FAM168A: variants seen among roughly 807,000 people sequenced by gnomAD.
FAM168A encodes protein FAM168A.
In FAM168A, 3 loss-of-function variants were observed where a neutral mutation model predicts 28.5. The observed-to-expected ratio is 0.11, with a 90% CI of 0.05 to 0.27. The LOEUF (loss-of-function observed/expected upper bound fraction) is 0.27, where lower values mean the gene tolerates loss of function less well. Ranked by LOEUF, FAM168A falls within the 10% of genes least tolerant of loss-of-function variation. The pLI is 1.00. For missense variants in FAM168A, 222 were observed against 311.5 expected, an observed-to-expected ratio of 0.71 and a Z score of 2.16; for synonymous variants, 122 against 124.2, an observed-to-expected ratio of 0.98 and a Z score of 0.12.
chr11:73,597,603 T>C (rs1944451739), intron 1 of FAM168A, among the ~76,000 whole-genome samples: 1 of 148,798 alleles, frequency 6.7e-6, no homozygotes, highest in Non-Finnish European at 1.5e-5. Context: ...CACCCTAGTC[T>C]CATCTTCCAC....
At chr11:73,450,976 T>C (rs1867417541) in intron 2 of FAM168A, among the ~76,000 whole-genome samples, 1 of 152,214 alleles carries the variant, frequency 6.6e-6, no homozygotes, top group African/African-American at 2.4e-5. Context: ...AACATACCTG[T>C]GCTTATTACC....
chr11:73,458,756 G>A (rs1206691671), intron 2 of FAM168A, among the ~76,000 whole-genome samples: 1 of 151,992 alleles, frequency 6.6e-6, no homozygotes, highest in African/African-American at 2.4e-5. Flanking sequence ...GATTACAGGT[G>A]CCTGCTACCA....
intron 1 of FAM168A, among the ~76,000 whole-genome samples, chr11:73,535,893 G>C (rs902521968): frequency 6.0e-5 from 9 of 150,664 alleles, no homozygotes; most frequent in African/African-American, 2.2e-4. Flanking sequence ...TTTTGAGACA[G>C]GGTTTCACTC....
Position 73,508,239 on chromosome 11 carries a change from G to C in FAM168A, c.-18-39747C>G, listed in dbSNP as rs543089568. ...AATATTTTAAATAAGTGGGGGAAAG[G>C]CTCTGAAGTTTAAAGTGCTATGAAA... On this transcript the variant is annotated intron_variant, in intron 1 of 7. Transcript: ENST00000356467. 1.2e-4 allele frequency among the ~76,000 whole-genome samples: 18 copies of C among 152,126 alleles called. No individual in the cohort carries two copies. In the South Asian group the frequency reaches 3.5e-3, roughly 30 times the overall value.
At chr11:73,548,697 G>C (rs948844310) in intron 1 of FAM168A, among the ~76,000 whole-genome samples, 2 of 152,138 alleles carry the variant, frequency 1.3e-5, no homozygotes, top group African/African-American at 4.8e-5. Context: ...CTGGAGTGTA[G>C]TGGTGCAATC....
intron 1 of FAM168A, among the ~76,000 whole-genome samples, chr11:73,540,255 T>C (rs765585769): frequency 3.3e-5 from 5 of 152,208 alleles, no homozygotes; most frequent in South Asian, 4.1e-4. Flanking sequence ...CCTATTATAC[T>C]GTCAACAATA....
intron 1 of FAM168A, among the ~76,000 whole-genome samples, chr11:73,557,802 C>T (rs1391323273): frequency 1.3e-5 from 2 of 152,152 alleles, no homozygotes; most frequent in Non-Finnish European, 2.9e-5. Context: ...CAGCATGGTA[C>T]TCGCATAAGG....
intron 1 of FAM168A, among the ~76,000 whole-genome samples, chr11:73,529,559 T>C (rs78552658): frequency 2.0e-5 from 3 of 152,312 alleles, no homozygotes; most frequent in East Asian, 3.9e-4. Flanking sequence ...ATATCAACAA[T>C]AGAATGTTCT....
chr11:73,412,207 T>G (rs115811285), intron 4 of FAM168A: 1 of 148,248 alleles, frequency 6.7e-6, no homozygotes, highest in African/African-American at 2.6e-5. Flanking sequence ...CATTCAGAGA[T>G]CGTCATCTTC....
At position 73,402,167 on chromosome 11, in the gene FAM168A, T is replaced by C. The variant is rs1866424633; in HGVS notation, c.*4596A>G. ...CACAGCCAGTAGTGATGTGGGAGAA[T>C]ACAGGATGGAAAAGCAGACTTCCAC... On this transcript the variant is annotated 3_prime_UTR_variant, in exon 8 of 8. Coordinates refer to ENST00000356467, the MANE Select transcript of FAM168A (RefSeq NM_015159.3). 1 of 152,180 alleles carries C rather than the reference T, an allele frequency of 6.6e-6. No individual in the cohort carries two copies. Among genetic ancestry groups the C allele is most frequent in the Non-Finnish European group, 1.5e-5 (1 of 68,052 alleles). 9.4% of individuals were successfully genotyped at this position (152,180 alleles called of 1,614,324 possible).
chr11:73,496,599 C>A (rs1037215657), intron 1 of FAM168A, among the ~76,000 whole-genome samples: 8 of 152,174 alleles, frequency 5.3e-5, no homozygotes, highest in Non-Finnish European at 7.3e-5. Context: ...CTCACTCTGT[C>A]GCCCAGGCTG....
intron 1 of FAM168A, among the ~76,000 whole-genome samples, chr11:73,519,710 TGA>T (rs987228578): frequency 1.3e-4 from 19 of 151,776 alleles, no homozygotes; most frequent in African/African-American, 4.6e-4. Flanking sequence ...TCAGAGGAGC[TGA>T]GAGATGATGA....
Position 73,567,039 on chromosome 11 carries a change from T to G in FAM168A, c.-19+30884A>C, listed in dbSNP as rs1440904251. On this transcript the variant is annotated intron_variant, in intron 1 of 7. Transcript: ENST00000356467. The stretch of plus-strand genomic sequence containing the variant: ...GTTAAGTCCCAAGGATTGCAAGTGG[T>G]TTGGCAGGGTTGGGCTGAGAAGAAG... Among the ~76,000 whole-genome samples the G allele has an allele frequency of 5.3e-5, 8 of 152,218 alleles. No homozygotes were observed. In the South Asian group the frequency reaches 1.0e-3, roughly 20 times the overall value.
chr11:73,453,168 C>T (rs1867463463), intron 2 of FAM168A, among the ~76,000 whole-genome samples: 1 of 152,228 alleles, frequency 6.6e-6, no homozygotes, highest in African/African-American at 2.4e-5. Flanking sequence ...AGAAAAGTTT[C>T]CAAAACACGG....
chr11:73,424,863 AC>A (rs1468306586), intron 3 of FAM168A, among the ~76,000 whole-genome samples: 7 of 152,166 alleles, frequency 4.6e-5, no homozygotes, highest in Admixed American at 1.3e-4. Flanking sequence ...GCACCATCAG[AC>A]ACGTTCCTGC....
chr11:73,543,262 C>CTTTTTTTT (rs58715872), intron 1 of FAM168A, among the ~76,000 whole-genome samples: 3 of 111,886 alleles, frequency 2.7e-5, no homozygotes, highest in Admixed American at 9.8e-5. Flanking sequence ...ATTAATTGTT[C>CTTTTTTTT]TTTTTTTTTT....
intron 2 of FAM168A, among the ~76,000 whole-genome samples, chr11:73,437,929 A>T (rs1867120993): frequency 6.6e-6 from 1 of 152,174 alleles, no homozygotes; most frequent in African/African-American, 2.4e-5. Context: ...ACCTGTGATC[A>T]GACTTCAATT....
In FAM168A at chr11:73,402,284, C is replaced by A. The variant is rs938589625; in HGVS notation, c.*4479G>T. 9 of 152,246 alleles carry A rather than the reference C, an allele frequency of 5.9e-5. No homozygotes were observed. Among genetic ancestry groups the A allele is most frequent in the Non-Finnish European group, 5.9e-5 (4 of 68,046 alleles). The allele number at this position is 152,246 out of a possible 1,614,324, so 9.4% of individuals were successfully genotyped here. ...ACAGGGCCCAGAATGGGGCCCACCC[C>A]CTCTGGGCACAGAACAAAGCTGAGG... On this transcript the variant is annotated 3_prime_UTR_variant, in exon 8 of 8. Coordinates refer to ENST00000356467, the MANE Select transcript of FAM168A (RefSeq NM_015159.3).
At chr11:73,488,725 C>CT (rs1431240002) in intron 1 of FAM168A, among the ~76,000 whole-genome samples, 1 of 152,180 alleles carries the variant, frequency 6.6e-6, no homozygotes, top group African/African-American at 2.4e-5. Context: ...ACAAAGGACA[C>CT]TACTTCAAGT....
Sources: allele counts gnomAD v4.1 joint callset (sites outside exome capture counted in the v4.1 genomes callset), GRCh38; gene constraint gnomAD v4.1.1; transcripts MANE v1.5; gene names NCBI Gene and HGNC (gene_info 2026-07-23, HGNC 2026-07-21).